The following JMJD1C variants were observed in gnomAD, a reference collection of about 807,000 sequenced individuals.
The protein encoded by JMJD1C is jumonji domain-containing protein 1C.
Under a neutral mutation model 245.3 loss-of-function variants are expected in JMJD1C, and 31 were observed. That is an observed-to-expected ratio of 0.13 (90% CI 0.09 to 0.17). The LOEUF is 0.17. Among genes scored for constraint, JMJD1C ranks in the 10% least tolerant of loss-of-function variants. The probability of loss-of-function intolerance (pLI) is 1.00; values close to 1 mark genes in which losing one functional copy is unlikely to be tolerated. For synonymous variants in JMJD1C, 1,057 were observed against 1,017.4 expected, an observed-to-expected ratio of 1.04 and a Z score of -0.74; for missense variants, 2,691 against 3,000.2, an observed-to-expected ratio of 0.90 and a Z score of 2.41.
intron 2 of JMJD1C, among the ~76,000 whole-genome samples, chr10:63,313,698 G>A (rs1196988190): frequency 6.6e-6 from 1 of 152,162 alleles, no homozygotes; most frequent in East Asian, 1.9e-4. Flanking sequence ...GTGATGTTGA[G>A]CATTTTTTAA....
At chr10:63,414,454 T>C (rs566157452) in intron 1 of JMJD1C, among the ~76,000 whole-genome samples, 12 of 152,130 alleles carry the variant, frequency 7.9e-5, no homozygotes, top group Non-Finnish European at 1.2e-4. Flanking sequence ...AGAATCACCA[T>C]AAGGCCAGAG....
chr10:63,442,407 A>G (rs1044182047), intron 1 of JMJD1C, among the ~76,000 whole-genome samples: 3 of 152,230 alleles, frequency 2.0e-5, no homozygotes, highest in African/African-American at 4.8e-5. Context: ...ATGTGTATTC[A>G]TATTTGTTTC....
chr10:63,208,989 TTAAC>T (rs1053644507), intron 9 of JMJD1C, 70 bp downstream of exon 9: 1 of 1,296,844 alleles, frequency 7.7e-7, no homozygotes, highest in African/African-American at 1.5e-5. Context: ...TAACTTAAAA[TTAAC>T]TATTTAAAAG....
intron 2 of JMJD1C, among the ~76,000 whole-genome samples, chr10:63,315,593 C>A (rs1939895552): frequency 6.6e-6 from 1 of 152,040 alleles, no homozygotes. Flanking sequence ...AATCCCAGCA[C>A]TTTGGGAGGC....
At chr10:63,444,137 G>T (rs1951552486) in intron 1 of JMJD1C, among the ~76,000 whole-genome samples, 1 of 152,044 alleles carries the variant, frequency 6.6e-6, no homozygotes. Context: ...AGTGACTGAG[G>T]AGTTTTCTGA....
At chr10:63,476,974 G>C (rs922548069) in intron 1 of JMJD1C, among the ~76,000 whole-genome samples, 2 of 151,938 alleles carry the variant, frequency 1.3e-5, no homozygotes, top group African/African-American at 2.4e-5. Flanking sequence ...GGATAAAAGA[G>C]AAAGTATAAA....
At chr10:63,335,844 G>A (rs550824525) in intron 2 of JMJD1C, among the ~76,000 whole-genome samples, 1 of 152,130 alleles carries the variant, frequency 6.6e-6, no homozygotes, top group South Asian at 2.1e-4. Context: ...ACTTTGGCTG[G>A]GCACCGTGGC....
At chr10:63,514,980 T>A (rs1402397850) in intron 1 of JMJD1C, among the ~76,000 whole-genome samples, 1 of 151,808 alleles carries the variant, frequency 6.6e-6, no homozygotes, top group Non-Finnish European at 1.5e-5. Context: ...AGTAAACAGG[T>A]GTTTTGTAAT....
intron 2 of JMJD1C, among the ~76,000 whole-genome samples, chr10:63,315,446 T>G (rs781129055): frequency 1.3e-5 from 2 of 152,212 alleles, no homozygotes; most frequent in Non-Finnish European, 2.9e-5. Flanking sequence ...CATAAGAACC[T>G]TAACATTTCT....
At chr10:63,432,816 T>C (rs1285290016) in intron 1 of JMJD1C, among the ~76,000 whole-genome samples, 2 of 152,190 alleles carry the variant, frequency 1.3e-5, no homozygotes, top group Non-Finnish European at 2.9e-5. Flanking sequence ...TTACAGAACT[T>C]TTAGATTACA....
chr10:63,197,265 C>T (rs1195223332), intron 13 of JMJD1C, 146 bp downstream of exon 13: 1 of 644,040 alleles, frequency 1.6e-6, no homozygotes, highest in Non-Finnish European at 2.5e-6. Context: ...ACTGTGGTTA[C>T]TTCTCCTCTT....
intron 1 of JMJD1C, among the ~76,000 whole-genome samples, chr10:63,385,501 G>A (rs976263577): frequency 7.6e-6 from 1 of 131,320 alleles, no homozygotes; most frequent in African/African-American, 2.9e-5. Flanking sequence ...ATAGTGGTAA[G>A]ATCATAGCTC....
intron 1 of JMJD1C, among the ~76,000 whole-genome samples, chr10:63,403,784 A>G (rs1424014066): frequency 6.6e-6 from 1 of 152,182 alleles, no homozygotes; most frequent in Non-Finnish European, 1.5e-5. Context: ...TAAAAAATAC[A>G]AAAAGGCCGG....
intron 1 of JMJD1C, among the ~76,000 whole-genome samples, chr10:63,460,309 G>T (rs1425188044): frequency 6.6e-6 from 1 of 152,144 alleles, no homozygotes; most frequent in Non-Finnish European, 1.5e-5. Context: ...TTGAGGCCAG[G>T]AGTCCAAGAC....
chr10:63,285,325 G>A (rs1053681629), intron 2 of JMJD1C, among the ~76,000 whole-genome samples: 1 of 152,098 alleles, frequency 6.6e-6, no homozygotes, highest in Admixed American at 6.5e-5. Context: ...TCCATTGGCC[G>A]GAAAAGATAC....
intron 2 of JMJD1C, among the ~76,000 whole-genome samples, chr10:63,305,844 CT>C (rs1193481241): frequency 6.6e-6 from 1 of 151,962 alleles, no homozygotes. Flanking sequence ...GTGATTCTCC[CT>C]CCTCAGCCTT....
chr10:63,210,955 T>C (rs1847248994), intron 8 of JMJD1C, among the ~76,000 whole-genome samples: 1 of 152,354 alleles, frequency 6.6e-6, no homozygotes, highest in South Asian at 2.1e-4. Flanking sequence ...ATTCTGGAAC[T>C]GAGATCTTGT....
At chr10:63,294,102 T>A (rs1859096267) in intron 2 of JMJD1C, among the ~76,000 whole-genome samples, 1 of 152,188 alleles carries the variant, frequency 6.6e-6, no homozygotes, top group Admixed American at 6.6e-5. Context: ...ATCCTAATCA[T>A]CTTCACCTTG....
chr10:63,451,538 T>A (rs1188941683), intron 1 of JMJD1C, among the ~76,000 whole-genome samples: 1 of 152,174 alleles, frequency 6.6e-6, no homozygotes, highest in African/African-American at 2.4e-5. Context: ...TAACAACTAT[T>A]TACAGAGCAT....
Sources: allele counts gnomAD v4.1 joint callset (sites outside exome capture counted in the v4.1 genomes callset), GRCh38; gene constraint gnomAD v4.1.1; transcripts MANE v1.5; gene names NCBI Gene and HGNC (gene_info 2026-07-23, HGNC 2026-07-21).